IRF2: variants seen among roughly 807,000 people sequenced by gnomAD.
IRF2 encodes the protein interferon regulatory factor 2.
A neutral mutation model predicts 40.6 loss-of-function variants in IRF2; 15 were observed. The observed-to-expected ratio is 0.37, with a 90% CI of 0.25 to 0.57. The LOEUF is 0.57. Among genes scored for constraint, IRF2 ranks in the 20% least tolerant of loss-of-function variants. The probability of loss-of-function intolerance (pLI) is 0.77; values close to 1 mark genes in which losing one functional copy is unlikely to be tolerated. For missense variants in IRF2, 317 were observed against 455.7 expected (o/e 0.70, Z 2.77); for synonymous variants, 151 against 165.5 (o/e 0.91, Z 0.67).
At chr4:184,420,753 C>A (rs1243533740) in intron 2 of IRF2, among the ~76,000 whole-genome samples, 1 of 152,170 alleles carries the variant, frequency 6.6e-6, no homozygotes, top group African/African-American at 2.4e-5. Flanking sequence ...TCCACAGGGA[C>A]CTCAGTTTTG....
At chr4:184,462,795 T>C (rs972696457) in intron 1 of IRF2, among the ~76,000 whole-genome samples, 1 of 152,260 alleles carries the variant, frequency 6.6e-6, no homozygotes, top group Admixed American at 6.5e-5. Flanking sequence ...CAAATCCTAA[T>C]GTTTATGTGT....
At chr4:184,472,478 A>C (rs1249520817) in intron 1 of IRF2, 1 of 151,916 alleles carries the variant, frequency 6.6e-6, no homozygotes, top group Non-Finnish European at 1.5e-5. Flanking sequence ...AGTCTCGGTG[A>C]TGCCTGAAAA....
chr4:184,444,495 T>C (rs890194), intron 1 of IRF2, among the ~76,000 whole-genome samples: 80,553 of 152,138 alleles, frequency 0.53, 22,602 homozygotes, highest in Middle Eastern at 0.64. Flanking sequence ...GTAACATGCC[T>C]AGCCTAGTAC....
At chr4:184,395,412 CAAAAAAA>C in intron 7 of IRF2, among the ~76,000 whole-genome samples, 1 of 67,098 alleles carries the variant, frequency 1.5e-5, no homozygotes, top group East Asian at 5.6e-4. Flanking sequence ...GACTCCGTCT[CAAAAAAA>C]AAAAAAAAAA....
At chr4:184,466,195 T>C (rs1233237985) in intron 1 of IRF2, among the ~76,000 whole-genome samples, 1 of 151,768 alleles carries the variant, frequency 6.6e-6, no homozygotes, top group Non-Finnish European at 1.5e-5. Context: ...GGACTACAGG[T>C]GCCCGCCACC....
intron 2 of IRF2, among the ~76,000 whole-genome samples, chr4:184,421,505 G>A (rs1222143225): frequency 6.6e-6 from 1 of 152,120 alleles, no homozygotes; most frequent in African/African-American, 2.4e-5. Flanking sequence ...ACATGAAAAT[G>A]AATACAAGTG....
chr4:184,411,719 A>T (rs1561094014), intron 5 of IRF2, among the ~76,000 whole-genome samples: 1 of 152,114 alleles, frequency 6.6e-6, no homozygotes, highest in Non-Finnish European at 1.5e-5. Context: ...AAATCCAAGG[A>T]TCTCAAATGA....
intron 4 of IRF2, 158 bp from the exon 5 acceptor site, chr4:184,418,371 T>C: frequency 1.1e-6 from 1 of 934,582 alleles, no homozygotes; most frequent in Non-Finnish European, 1.7e-6. Context: ...CTCTGGTGAA[T>C]CGAAAGTCTT....
chr4:184,441,908 G>C, intron 1 of IRF2, among the ~76,000 whole-genome samples: 1 of 152,140 alleles, frequency 6.6e-6, no homozygotes, highest in East Asian at 1.9e-4. Flanking sequence ...TATTTGAACT[G>C]GAGTCTTAGG....
intron 1 of IRF2, among the ~76,000 whole-genome samples, chr4:184,434,185 G>A (rs1175347055): frequency 6.6e-6 from 1 of 152,212 alleles, no homozygotes; most frequent in East Asian, 1.9e-4. Flanking sequence ...AGAGAAGGCA[G>A]GTAGCTCAGT....
intron 1 of IRF2, among the ~76,000 whole-genome samples, chr4:184,470,009 C>T (rs1301503963): frequency 6.6e-6 from 1 of 152,180 alleles, no homozygotes; most frequent in Non-Finnish European, 1.5e-5. Context: ...GGAACTTCCT[C>T]ACCCACTTTT....
chr4:184,465,927 CCAGAAAGTTTATTT>C (rs1350022279), intron 1 of IRF2, among the ~76,000 whole-genome samples: 2 of 152,150 alleles, frequency 1.3e-5, no homozygotes, highest in African/African-American at 2.4e-5. Flanking sequence ...AAGGTAAATT[CCAGAAAGTTTATTT>C]CAATGTAGAA....
At chr4:184,419,659 A>G (rs1041915874) in intron 2 of IRF2, 91 bp from the exon 3 acceptor site, 19 of 837,008 alleles carry the variant, frequency 2.3e-5, no homozygotes, top group Middle Eastern at 2.3e-4. Context: ...AGCCAGCAAG[A>G]TTCCCCAGCA....
At chr4:184,416,398 T>TA (rs569437089) in intron 5 of IRF2, among the ~76,000 whole-genome samples, 7,815 of 137,064 alleles carry the variant, frequency 0.057, 660 homozygotes, top group African/African-American at 0.19. Context: ...TGTTCAATTG[T>TA]AAAAAAAAAA....
intron 6 of IRF2, among the ~76,000 whole-genome samples, chr4:184,405,115 A>G (rs537842335): frequency 6.6e-6 from 1 of 152,284 alleles, no homozygotes; most frequent in African/African-American, 2.4e-5. Context: ...ATGGTGGCGC[A>G]TCCCTGTAAT....
In IRF2 at chr4:184,461,390, C is replaced by T. The variant is rs564230907; in HGVS notation, c.-7+12989G>A. 2.0e-5 allele frequency among the ~76,000 whole-genome samples: 3 copies of T among 152,230 alleles called. No individual in the cohort carries two copies. The South Asian group carries it at 6.2e-4, about 32-fold the overall frequency. On this transcript the variant is annotated intron_variant, in intron 1 of 8. Coordinates refer to ENST00000393593, the MANE Select transcript of IRF2 (RefSeq NM_002199.4). ...GCTTCCCCTACAATCTGAAACAACC[C>T]CACAGGGCCCATGGAAGAACTATAA...
chr4:184,425,062 T>C (rs1317172357), intron 2 of IRF2, among the ~76,000 whole-genome samples: 2 of 151,782 alleles, frequency 1.3e-5, no homozygotes, highest in African/African-American at 2.4e-5. Context: ...TGCATGGGGC[T>C]CCCAGCCTGG....
rs773104822 is a variant in IRF2 at position 184,448,210 on chromosome 4, G to A, written c.-6-19140C>T. On this transcript the variant is annotated intron_variant, in intron 1 of 8. Coordinates refer to ENST00000393593, the MANE Select transcript of IRF2 (RefSeq NM_002199.4). The surrounding 1 kb of genome is among the most constrained non-coding windows in gnomAD (Gnocchi z 4.3). ...TAATTTCCAGTACAGAGGGAAAGAC[G>A]ACGACAGCCTTTCTGCAAATACAAC... Among the ~76,000 whole-genome samples the A allele has an allele frequency of 3.3e-5, 5 of 152,208 alleles. No individual in the cohort carries two copies. Among genetic ancestry groups the A allele is most frequent in the Non-Finnish European group, 7.3e-5 (5 of 68,050 alleles).
At chr4:184,403,817 A>G (rs561027123) in intron 6 of IRF2, among the ~76,000 whole-genome samples, 2 of 152,314 alleles carry the variant, frequency 1.3e-5, no homozygotes, top group South Asian at 2.1e-4. Flanking sequence ...ACAGTTATCT[A>G]TTGTGTGCCA....
Sources: gnomAD v4.1 joint callset for allele counts (sites outside exome capture counted in the v4.1 genomes callset) on GRCh38, gnomAD v4.1.1 for gene constraint, Gnocchi (gnomAD v3.1) non-coding constraint, MANE v1.5 for transcripts, NCBI Gene and HGNC (gene_info 2026-07-23, HGNC 2026-07-21) for gene names.